FBXL16: variants seen among roughly 807,000 people sequenced by gnomAD.
The protein encoded by FBXL16 is F-box and leucine rich repeat protein 16, also known as F-box/LRR-repeat protein 16.
A neutral mutation model predicts 36.7 loss-of-function variants in FBXL16; 7 were observed. The observed-to-expected ratio is 0.19, with a 90% CI of 0.11 to 0.36. The LOEUF is 0.36. Ranked by LOEUF, FBXL16 falls within the 10% of genes least tolerant of loss-of-function variation. The probability of loss-of-function intolerance (pLI) is 1.00; values close to 1 mark genes in which losing one functional copy is unlikely to be tolerated. For missense variants in FBXL16, 463 were observed against 659.4 expected (o/e 0.70, Z 3.26); for synonymous variants, 355 against 308.7 (o/e 1.15, Z -1.57).
Position 695,507 on chromosome 16 carries a change from G to A in FBXL16, c.1050C>T (p.Ser350=), listed in dbSNP as rs1454572810. 4 of 1,594,946 alleles carry A rather than the reference G, an allele frequency of 2.5e-6. No homozygotes were observed. In the Admixed American group the frequency reaches 5.1e-5, roughly 20 times the overall value. Residue 350 remains serine, a synonymous_variant, in exon 3 of 6, where the codon AGC becomes AGT. Transcript: ENST00000397621. ...LVAENLRKLR[S]LDLSWCPRIT... Reference sequence around the variant, plus strand: ...TGCGTGGGCACCACGAGAGGTCAAGGCTGCGCAGCTTGCGCAGGTTCTCGG... The same window carrying A: ...TGCGTGGGCACCACGAGAGGTCAAGACTGCGCAGCTTGCGCAGGTTCTCGG...
rs767619638 is a variant in FBXL16, at chr16:698,913, CAAAAAA to C, written c.-14-1500_-14-1495del. Reference sequence around the variant, plus strand: ...TGGGGAACAGAGTGAGACTTTGTCTCAAAAAAAAAAAAAAAAAAAGAAAGAAAGAAA... The same window carrying C: ...TGGGGAACAGAGTGAGACTTTGTCTCAAAAAAAAAAAAAGAAAGAAAGAAA... On this transcript the variant is annotated intron_variant, in intron 1 of 5. Coordinates refer to ENST00000397621, the MANE Select transcript of FBXL16 (RefSeq NM_153350.4). Among the ~76,000 whole-genome samples the C allele has an allele frequency of 7.2e-3, 642 of 89,728 alleles. 7 individuals carry two copies. The highest frequency in any genetic ancestry group is 0.025 in the African/African-American group (609 of 24,702). The allele number at this position is 89,728 out of a possible 152,430, so 58.9% of individuals were successfully genotyped here.
chr16:695,269 C>T, intron 3 of FBXL16, 146 bp downstream of exon 3: 2 of 1,188,088 alleles, frequency 1.7e-6, no homozygotes, highest in South Asian at 1.7e-5. Context: ...GTTCCCACTC[C>T]CCAGGCTCCG....
In FBXL16 at chr16:692,687, C is replaced by A. The variant is rs2039979832; in HGVS notation, c.*1588G>T. The A allele has an allele frequency of 6.6e-6, 1 of 152,518 alleles. No individual in the cohort carries two copies. The highest frequency in any genetic ancestry group is 6.5e-5 in the Admixed American group (1 of 15,284). The allele number at this position is 152,518 out of a possible 1,614,324, so 9.4% of individuals were successfully genotyped here. On this transcript the variant is annotated 3_prime_UTR_variant, in exon 6 of 6. Coordinates refer to ENST00000397621, the MANE Select transcript of FBXL16 (RefSeq NM_153350.4). ...TTCCTCTCTCCCCTTAATTTTTCCT[C>A]CTACAGTCGTTGGAAATATCACAGC... is the stretch of plus-strand genomic sequence containing the variant.
At chr16:703,806 C>A (rs977705219) in intron 1 of FBXL16, among the ~76,000 whole-genome samples, 5 of 152,224 alleles carry the variant, frequency 3.3e-5, no homozygotes, top group African/African-American at 1.2e-4. Context: ...GGCAGCTCAG[C>A]CTTGAAAGCT....
chr16:698,913 C>CAAAAAAAAAAAAAAAAAAAAGAAAAA (rs767619638), intron 1 of FBXL16, among the ~76,000 whole-genome samples: 1 of 89,738 alleles, frequency 1.1e-5, no homozygotes, highest in Non-Finnish European at 2.5e-5. Context: ...GACTTTGTCT[C>CAAAAAAAAAAAAAAAAAAAAGAAAAA]AAAAAAAAAA....
chr16:703,269 C>G (rs1227112041), intron 1 of FBXL16, among the ~76,000 whole-genome samples: 2 of 152,200 alleles, frequency 1.3e-5, no homozygotes, highest in Non-Finnish European at 2.9e-5. Context: ...CACCGCGTGC[C>G]CACCCCTGGG....
At chr16:695,190 G>T in intron 3 of FBXL16, 114 bp from the exon 4 acceptor site, 1 of 1,229,516 alleles carries the variant, frequency 8.1e-7, no homozygotes, top group Non-Finnish European at 1.1e-6. Flanking sequence ...CGGAGCAGCC[G>T]CTGGCCCCTC....
At chr16:704,874 G>A (rs1383190723) in intron 1 of FBXL16, among the ~76,000 whole-genome samples, 2 of 152,226 alleles carry the variant, frequency 1.3e-5, no homozygotes, top group African/African-American at 2.4e-5. Context: ...TGAGGTGATG[G>A]GTGGGGAACG....
In FBXL16 at chr16:696,800, G is replaced by A. The variant is rs1472254378; in HGVS notation, c.606C>T (p.Arg202=). Residue 202 remains arginine, a synonymous_variant, in exon 2 of 6, where the codon CGC becomes CGT. Transcript: ENST00000397621. The part of the protein sequence containing the change: ...KKGVKAMSLK[R]STITDAGLEV... Reference sequence around the variant, plus strand: ...CGAGGCCTGCGTCCGTGATGGTGGAGCGCTTGAGGCTCATGGCTTTGACAC... The same window carrying A: ...CGAGGCCTGCGTCCGTGATGGTGGAACGCTTGAGGCTCATGGCTTTGACAC... 2.2e-6 allele frequency: 3 copies of A among 1,369,636 alleles called. No individual in the cohort carries two copies. The highest frequency in any genetic ancestry group is 2.8e-6 in the Non-Finnish European group (3 of 1,065,182). 84.8% of individuals were successfully genotyped at this position (1,369,636 alleles called of 1,614,324 possible). A position where few individuals can be genotyped will look rare whatever the true frequency, so the allele number is the denominator to read the frequency against.
intron 3 of FBXL16, 82 bp downstream of exon 3, chr16:695,333 G>GGCCCCGTGCA (rs1252780431): frequency 2.4e-5 from 24 of 990,532 alleles, no homozygotes; most frequent in East Asian, 7.9e-5. Flanking sequence ...CCCCGCCCCC[G>GGCCCCGTGCA]GCCCCGTGCA....
chr16:695,040 C>T lies in FBXL16; in HGVS notation c.1179G>A (p.Leu393=). Residue 393 remains leucine, a synonymous_variant, in exon 4 of 6, where the codon CTG becomes CTA. Coordinates refer to ENST00000397621, the MANE Select transcript of FBXL16 (RefSeq NM_153350.4). ...VRITDTGLSY[L]STMSSLRSLY... ...GGCTGCGGAGGGACGACATGGTGGA[C>T]AGATAGCTGAGGCCAGTGTCCGTGA... The T allele has an allele frequency of 1.3e-6, 2 of 1,590,712 alleles. No homozygotes were observed. The highest frequency in any genetic ancestry group is 2.3e-5 in the South Asian group (2 of 88,584).
intron 3 of FBXL16, 81 bp from the exon 4 acceptor site, chr16:695,157 C>G: frequency 7.0e-7 from 1 of 1,431,838 alleles, no homozygotes; most frequent in Non-Finnish European, 9.6e-7. Context: ...GTGCCCCTGG[C>G]GTGAATCCCT....
At chr16:696,468 T>C (rs1384854550) in intron 2 of FBXL16, among the ~76,000 whole-genome samples, 2 of 152,184 alleles carry the variant, frequency 1.3e-5, no homozygotes, top group African/African-American at 4.8e-5. Context: ...TTCACCATGT[T>C]GACCAGGCTG....
chr16:703,759 C>T (rs1358023781), intron 1 of FBXL16, among the ~76,000 whole-genome samples: 1 of 152,250 alleles, frequency 6.6e-6, no homozygotes. Context: ...ACCCGTGTTG[C>T]TGCCCCAGCA....
At chr16:696,465 T>C (rs976793387) in intron 2 of FBXL16, among the ~76,000 whole-genome samples, 3 of 152,128 alleles carry the variant, frequency 2.0e-5, no homozygotes, top group Non-Finnish European at 2.9e-5. Flanking sequence ...AGTTTCACCA[T>C]GTTGACCAGG....
chr16:696,062 G>T, intron 2 of FBXL16, 139 bp from the exon 3 acceptor site: 1 of 1,283,640 alleles, frequency 7.8e-7, no homozygotes, highest in Non-Finnish European at 1.0e-6. Flanking sequence ...GCATCGGGAC[G>T]AGAGCCCAGG....
Position 694,422 on chromosome 16 carries a change from G to A in FBXL16, c.1293C>T (p.Gly431=). The A allele has an allele frequency of 6.5e-7, 1 of 1,546,332 alleles. No homozygotes were observed. Among genetic ancestry groups the A allele is most frequent in the Non-Finnish European group, 8.7e-7 (1 of 1,154,876 alleles). The change falls in exon 6 of 6, where the codon GGC becomes GGT. Residue 431 remains glycine, a splice_region_variant and synonymous_variant. Coordinates refer to ENST00000397621, the MANE Select transcript of FBXL16 (RefSeq NM_153350.4). The stretch of plus-strand genomic sequence containing the variant: ...GCCCGGTGGTGGTGAGCAGCGGGCA[G>A]CCTGCGGCGGGGTCAGAGGGCGGCT... ...LGSLRLLSLA[G]CPLLTTTGLS...
Position 696,790 on chromosome 16 carries a change from T to G in FBXL16, c.616A>C (p.Thr206Pro). 4 of 947,012 alleles carry G rather than the reference T, an allele frequency of 4.2e-6. No individual in the cohort carries two copies. Among genetic ancestry groups the G allele is most frequent in the Admixed American group, 4.8e-5 (1 of 20,954 alleles). 58.7% of individuals were successfully genotyped at this position (947,012 alleles called of 1,614,324 possible). A position where few individuals can be genotyped will look rare whatever the true frequency, so the allele number is the denominator to read the frequency against. Residue 206 changes from threonine (T) to proline (P), a missense_variant, in exon 2 of 6, where the codon ACG becomes CCG. Physicochemically the swap from Thr to Pro is conservative, Grantham distance 38. Around this residue, in one of 3 missense-constraint regions of FBXL16, gnomAD observed 263 missense variants for 341.1 expected, o/e 0.77. Transcript: ENST00000397621. ...GTGCACACCTCGAGGCCTGCGTCCG[T>G]GATGGTGGAGCGCTTGAGGCTCATG... ...KAMSLKRSTI[T>P]DAGLEVMLEQ...
At position 692,919 on chromosome 16, in the gene FBXL16, CTCTT is replaced by C. The variant is rs1045603354; in HGVS notation, c.*1352_*1355del. 5.3e-5 allele frequency: 8 copies of C among 152,276 alleles called. No homozygotes were observed. Among genetic ancestry groups the C allele is most frequent in the African/African-American group, 1.7e-4 (7 of 41,412 alleles). The allele number at this position is 152,276 out of a possible 1,614,324, so 9.4% of individuals were successfully genotyped here. ...TCTCTCTTTCTCTCTCTCTCTCACT[CTCTT>C]TCTCTCTCTCACTCTCTGGCTCTCT... is the stretch of plus-strand genomic sequence containing the variant. On this transcript the variant is annotated 3_prime_UTR_variant, in exon 6 of 6. Coordinates refer to ENST00000397621, the MANE Select transcript of FBXL16 (RefSeq NM_153350.4).
Sources: gnomAD v4.1 joint callset for allele counts (sites outside exome capture counted in the v4.1 genomes callset) on GRCh38, gnomAD v4.1.1 for gene constraint, gnomAD v4.1.1 regional missense constraint, MANE v1.5 for transcripts, NCBI Gene and HGNC (gene_info 2026-07-23, HGNC 2026-07-21) for gene names.